Variants in MAN1A2 observed in about 807,000 individuals in gnomAD.
MAN1A2 encodes the protein mannosyl-oligosaccharide 1,2-alpha-mannosidase IB.
MAN1A2 carries 26 observed loss-of-function variants against 75.7 expected under a neutral mutation model. The observed-to-expected ratio is 0.34, with a 90% confidence interval of 0.25 to 0.48. The LOEUF is 0.48. Ranked by LOEUF, MAN1A2 falls within the 20% of genes least tolerant of loss-of-function variation. MAN1A2 has a pLI of 0.99. For missense variants in MAN1A2, 562 were observed against 775.5 expected, an observed-to-expected ratio of 0.72 and a Z score of 3.27; for synonymous variants, 247 against 264.6, an observed-to-expected ratio of 0.93 and a Z score of 0.65.
rs55698472 is a variant in MAN1A2 at position 117,510,249 on chromosome 1, A to G, written c.1793+7279A>G. ...TAAAATGGATGACTAGGGCAGTGGC[A>G]TGTGCATTTGACATAACTATAATTA... On this transcript the variant is annotated intron_variant, in intron 12 of 12. Transcript: ENST00000356554. Among the ~76,000 whole-genome samples the G allele has an allele frequency of 2.5e-3, 379 of 152,134 alleles. 1 individual carries two copies. The highest frequency in any genetic ancestry group is 4.5e-3 in the Non-Finnish European group (307 of 67,990).
At chr1:117,403,207 A>G (rs937900407) in intron 2 of MAN1A2, among the ~76,000 whole-genome samples, 12 of 152,226 alleles carry the variant, frequency 7.9e-5, no homozygotes, top group Non-Finnish European at 1.5e-4. Flanking sequence ...AGATAAATTT[A>G]GTTCAAGTAA....
At chr1:117,411,104 A>C (rs1021430541) in intron 3 of MAN1A2, among the ~76,000 whole-genome samples, 3 of 151,780 alleles carry the variant, frequency 2.0e-5, no homozygotes, top group Non-Finnish European at 4.4e-5. Flanking sequence ...GTTGATTCTA[A>C]AATCTATGAA....
chr1:117,525,127 C>G lies in MAN1A2; in HGVS notation c.*2170C>G, dbSNP rs768664113. Reference sequence around the variant, plus strand: ...GATGAGGAGACAGAACCCCTACTTCCAAGTGCTCTATTTGTATTACCCAGA... The same window carrying G: ...GATGAGGAGACAGAACCCCTACTTCGAAGTGCTCTATTTGTATTACCCAGA... On this transcript the variant is annotated 3_prime_UTR_variant, in exon 13 of 13. Coordinates refer to ENST00000356554, the MANE Select transcript of MAN1A2 (RefSeq NM_006699.5). 9.5e-5 allele frequency: 50 copies of G among 529,010 alleles called. No homozygotes were observed. The highest frequency in any genetic ancestry group is 1.6e-4 in the Non-Finnish European group (41 of 258,270). The allele number at this position is 529,010 out of a possible 1,614,324, so 32.8% of individuals were successfully genotyped here. A position where few individuals can be genotyped will look rare whatever the true frequency, so the allele number is the denominator to read the frequency against.
chr1:117,502,270 T>C (rs1651225985), intron 11 of MAN1A2, among the ~76,000 whole-genome samples: 1 of 151,750 alleles, frequency 6.6e-6, no homozygotes. Context: ...TTGTTAACTC[T>C]TTATATTGTA....
chr1:117,378,635 TGACTC>T (rs1653234031), intron 1 of MAN1A2, among the ~76,000 whole-genome samples: 4 of 82,244 alleles, frequency 4.9e-5, no homozygotes, highest in Non-Finnish European at 9.8e-5. Context: ...TGTGTATCAT[TGACTC>T]TAAATTTTTT....
chr1:117,431,072 G>A (rs866767940), intron 5 of MAN1A2, among the ~76,000 whole-genome samples: 2 of 140,472 alleles, frequency 1.4e-5, no homozygotes, highest in African/African-American at 5.3e-5. Context: ...GGCAGCGCGT[G>A]CCTGCAATCG....
chr1:117,447,764 A>C (rs1249264620), intron 6 of MAN1A2, among the ~76,000 whole-genome samples: 1 of 151,998 alleles, frequency 6.6e-6, no homozygotes, highest in Non-Finnish European at 1.5e-5. Context: ...ATCAGTCCTT[A>C]AGGTATTTTT....
At chr1:117,376,798 G>A (rs978105924) in intron 1 of MAN1A2, among the ~76,000 whole-genome samples, 1 of 152,158 alleles carries the variant, frequency 6.6e-6, no homozygotes, top group Non-Finnish European at 1.5e-5. Flanking sequence ...GATTGTGTCT[G>A]TACTGAACAT....
At chr1:117,414,399 TTC>T (rs1411711619) in intron 3 of MAN1A2, among the ~76,000 whole-genome samples, 9 of 151,570 alleles carry the variant, frequency 5.9e-5, no homozygotes, top group African/African-American at 2.2e-4. Flanking sequence ...ATATCTCATA[TTC>T]TGACGAGGCA....
At chr1:117,492,424 ATT>A (rs1403606074) in intron 8 of MAN1A2, among the ~76,000 whole-genome samples, 1 of 152,102 alleles carries the variant, frequency 6.6e-6, no homozygotes, top group East Asian at 1.9e-4. Flanking sequence ...AGATTTGAAC[ATT>A]GTTTATTTAA....
chr1:117,427,054 C>T (rs536204908), intron 5 of MAN1A2, among the ~76,000 whole-genome samples: 1 of 152,074 alleles, frequency 6.6e-6, no homozygotes, highest in Non-Finnish European at 1.5e-5. Context: ...GTGCACTTCT[C>T]AGAAGATATA....
chr1:117,393,406 A>G (rs1318310114), intron 1 of MAN1A2, among the ~76,000 whole-genome samples: 3 of 151,926 alleles, frequency 2.0e-5, no homozygotes, highest in East Asian at 3.8e-4. Flanking sequence ...TGACTATCCT[A>G]TAGTCATTTC....
At chr1:117,488,902 G>C (rs188034139) in intron 8 of MAN1A2, among the ~76,000 whole-genome samples, 89 of 152,118 alleles carry the variant, frequency 5.9e-4, no homozygotes, top group African/African-American at 2.1e-3. Context: ...AAATTGAAGG[G>C]CTCCTTCCTT....
intron 9 of MAN1A2, 110 bp downstream of exon 9, chr1:117,493,372 C>T (rs993329919): frequency 3.4e-6 from 2 of 585,890 alleles, no homozygotes; most frequent in Middle Eastern, 7.1e-4. Flanking sequence ...TCAGTAAATA[C>T]ATACAAACAT....
chr1:117,493,391 A>G, intron 9 of MAN1A2, 129 bp downstream of exon 9: 2 of 547,010 alleles, frequency 3.7e-6, no homozygotes, highest in Non-Finnish European at 6.5e-6. Flanking sequence ...ATTTTATTAT[A>G]TGCATTCACT....
intron 9 of MAN1A2, 164 bp downstream of exon 9, chr1:117,493,426 G>A: frequency 2.1e-6 from 1 of 472,682 alleles, no homozygotes. Context: ...TATTTTAATA[G>A]AAAAGCCTCA....
intron 10 of MAN1A2, among the ~76,000 whole-genome samples, chr1:117,498,733 A>G (rs191193576): frequency 3.3e-5 from 5 of 151,924 alleles, no homozygotes; most frequent in Admixed American, 6.6e-5. Context: ...TTTAATCTCA[A>G]TTTAGATCCT....
At chr1:117,489,950 T>A (rs77093747) in intron 8 of MAN1A2, among the ~76,000 whole-genome samples, 2 of 151,694 alleles carry the variant, frequency 1.3e-5, no homozygotes, top group Non-Finnish European at 2.9e-5. Context: ...TTTTTTTTTT[T>A]AATGCAGAGA....
chr1:117,443,474 A>G (rs1649111136), intron 6 of MAN1A2, among the ~76,000 whole-genome samples: 1 of 152,180 alleles, frequency 6.6e-6, no homozygotes, highest in South Asian at 2.1e-4. Flanking sequence ...TATTTCCTTC[A>G]GGATCATCGT....
Sources: gnomAD v4.1 joint callset for allele counts (sites outside exome capture counted in the v4.1 genomes callset) on GRCh38, gnomAD v4.1.1 for gene constraint, MANE v1.5 for transcripts, NCBI Gene and HGNC (gene_info 2026-07-23, HGNC 2026-07-21) for gene names.